Variants in LRRIQ4 observed in about 807,000 individuals in gnomAD.
The protein encoded by LRRIQ4 is leucine rich repeats and IQ motif containing 4.
In LRRIQ4, 21 loss-of-function variants were observed where a neutral mutation model predicts 40.1. The observed-to-expected ratio is 0.52, with a 90% confidence interval of 0.37 to 0.75. The LOEUF (loss-of-function observed/expected upper bound fraction) is 0.75. Among genes scored for constraint, LRRIQ4 ranks in the 30% least tolerant of loss-of-function variants. The probability of loss-of-function intolerance (pLI) is 0.00; values close to 1 mark genes in which losing one functional copy is unlikely to be tolerated. For synonymous variants in LRRIQ4, 277 were observed against 277.1 expected, an observed-to-expected ratio of 1.00 and a Z score of 0.00; for missense variants, 655 against 660.0, an observed-to-expected ratio of 0.99 and a Z score of 0.08.
intron 1 of LRRIQ4, among the ~76,000 whole-genome samples, chr3:169,821,477 C>G (rs1560609886): frequency 7.3e-6 from 1 of 137,826 alleles, no homozygotes; most frequent in East Asian, 3.4e-4. Context: ...ACTAAAATTA[C>G]AAAAAAATTT....
At chr3:169,819,692 G>A (rs887809089) in intron 1 of LRRIQ4, among the ~76,000 whole-genome samples, 1 of 152,070 alleles carries the variant, frequency 6.6e-6, no homozygotes, top group Non-Finnish European at 1.5e-5. Flanking sequence ...TGGGAAACAG[G>A]GCAAATAATG....
At chr3:169,834,172 A>G (rs1780254214) in intron 5 of LRRIQ4, among the ~76,000 whole-genome samples, 1 of 151,880 alleles carries the variant, frequency 6.6e-6, no homozygotes, top group Admixed American at 6.6e-5. Flanking sequence ...GATCAGCCTG[A>G]CCAACATGGT....
chr3:169,816,933 A>C (rs1779782233), intron 1 of LRRIQ4, among the ~76,000 whole-genome samples: 1 of 151,954 alleles, frequency 6.6e-6, no homozygotes, highest in Non-Finnish European at 1.5e-5. Context: ...AGCCTCCCAA[A>C]GTGCTGGGAT....
chr3:169,821,951 T>C lies in LRRIQ4; in HGVS notation c.30T>C (p.His10=). The C allele has an allele frequency of 6.7e-7, 1 of 1,493,300 alleles. No individual in the cohort carries two copies. 92.5% of individuals were successfully genotyped at this position (1,493,300 alleles called of 1,614,324 possible). A position where few individuals can be genotyped will look rare whatever the true frequency, so the allele number is the denominator to read the frequency against. Residue 10 remains histidine (H), a synonymous_variant, in exon 2 of 6, where the codon CAT becomes CAC. Coordinates refer to ENST00000340806, the MANE Select transcript of LRRIQ4 (RefSeq NM_001080460.3). ...CAAAAGACATAAAATCAGTAGAACA[T>C]TCACCTAAAATTCATCAGAGAAATG... The part of the protein sequence containing the change: MSKDIKSVE[H]SPKIHQRNDP...
At chr3:169,818,196 G>A (rs761891686) in intron 1 of LRRIQ4, among the ~76,000 whole-genome samples, 13 of 152,118 alleles carry the variant, frequency 8.5e-5, no homozygotes, top group Non-Finnish European at 1.5e-4. Context: ...CTCCCTCCCC[G>A]AAGCACACTT....
chr3:169,828,321 C>T (rs955053277), intron 2 of LRRIQ4, among the ~76,000 whole-genome samples: 9 of 152,130 alleles, frequency 5.9e-5, no homozygotes, highest in Non-Finnish European at 1.3e-4. Context: ...CAACCTCTGC[C>T]TCCCACATTC....
chr3:169,828,276 A>C (rs972389961), intron 2 of LRRIQ4, among the ~76,000 whole-genome samples: 1 of 151,796 alleles, frequency 6.6e-6, no homozygotes, highest in Admixed American at 6.6e-5. Context: ...TCTGTCGCCC[A>C]GGCTGGAGTG....
chr3:169,820,776 T>A (rs1779870044), intron 1 of LRRIQ4, among the ~76,000 whole-genome samples: 1 of 152,214 alleles, frequency 6.6e-6, no homozygotes, highest in African/African-American at 2.4e-5. Flanking sequence ...TAGACAGAGT[T>A]AAGCTCCTTC....
intron 1 of LRRIQ4, among the ~76,000 whole-genome samples, chr3:169,819,188 C>G (rs1239980842): frequency 6.6e-6 from 1 of 152,182 alleles, no homozygotes; most frequent in Non-Finnish European, 1.5e-5. Context: ...AAATCTTCCC[C>G]TTTCTCAATT....
At chr3:169,833,851 G>GTC (rs1780241737) in intron 5 of LRRIQ4, among the ~76,000 whole-genome samples, 1 of 152,138 alleles carries the variant, frequency 6.6e-6, no homozygotes, top group Non-Finnish European at 1.5e-5. Context: ...TACACTCAGA[G>GTC]TAAGAGTCAA....
At chr3:169,829,300 C>A (rs2108180278) in intron 3 of LRRIQ4, among the ~76,000 whole-genome samples, 1 of 152,238 alleles carries the variant, frequency 6.6e-6, no homozygotes, top group East Asian at 1.9e-4. Context: ...ATGCTGGGAG[C>A]CTACATTTTG....
chr3:169,834,832 A>G (rs1233706600), intron 5 of LRRIQ4, among the ~76,000 whole-genome samples: 1 of 151,954 alleles, frequency 6.6e-6, no homozygotes, highest in Non-Finnish European at 1.5e-5. Flanking sequence ...ATATTTATAT[A>G]AATTAAATTT....
intron 3 of LRRIQ4, 83 bp from the exon 4 acceptor site, chr3:169,830,409 A>AAAAAAAAAAAAAAAT: frequency 3.9e-6 from 2 of 508,542 alleles, no homozygotes; most frequent in Non-Finnish European, 5.8e-6. Context: ...AAAAAAAAAA[A>AAAAAAAAAAAAAAAT]TGCATGAGCA....
At chr3:169,818,672 C>A (rs1053997306) in intron 1 of LRRIQ4, among the ~76,000 whole-genome samples, 2 of 152,148 alleles carry the variant, frequency 1.3e-5, no homozygotes, top group Non-Finnish European at 2.9e-5. Flanking sequence ...ACCAAAGTGG[C>A]ATATTTTGGA....
At position 169,833,144 on chromosome 3, in the gene LRRIQ4, C is replaced by G. The variant is rs946874529; in HGVS notation, c.1491C>G (p.Tyr497Ter). Residue 497 changes from tyrosine to a stop codon, truncating the protein, a stop_gained, in exon 5 of 6, where the codon TAC (tyrosine) becomes TAG (stop). Transcript: ENST00000340806. LOFTEE classifies it low-confidence loss of function (END_TRUNC). ...AAGGCAATGAGGCCATATGGAAATA[C>G]CTCAAGGAAAACAGAAACAGGAATA... ...CAEGNEAIWK[Y>*]LKENRNRNIM... 6.2e-7 allele frequency: 1 copy of G among 1,613,346 alleles called. No homozygotes were observed.
At chr3:169,836,594 A>T (rs1391422660) in intron 5 of LRRIQ4, among the ~76,000 whole-genome samples, 1 of 152,186 alleles carries the variant, frequency 6.6e-6, no homozygotes, top group African/African-American at 2.4e-5. Context: ...GACCTCATAT[A>T]AATCTAATCA....
chr3:169,821,460 C>T (rs1191608474), intron 1 of LRRIQ4, among the ~76,000 whole-genome samples: 3 of 149,404 alleles, frequency 2.0e-5, no homozygotes, highest in Non-Finnish European at 4.4e-5. Context: ...GGTGAAACCC[C>T]GTCTCTACTA....
intron 5 of LRRIQ4, among the ~76,000 whole-genome samples, chr3:169,835,490 T>A (rs184310772): frequency 1.2e-3 from 180 of 151,752 alleles, no homozygotes; most frequent in Middle Eastern, 3.4e-3. Flanking sequence ...CAGGGGCAAC[T>A]GGGATGGGGG....
At chr3:169,830,817 A>G (rs1204667254) in intron 4 of LRRIQ4, among the ~76,000 whole-genome samples, 187 bp downstream of exon 4, 2 of 152,238 alleles carry the variant, frequency 1.3e-5, no homozygotes, top group Non-Finnish European at 2.9e-5. Context: ...TATAGCTAAG[A>G]GTCTTGCAAA....
Sources: gnomAD v4.1 joint callset for allele counts (sites outside exome capture counted in the v4.1 genomes callset) on GRCh38, gnomAD v4.1.1 for gene constraint, MANE v1.5 for transcripts, NCBI Gene and HGNC (gene_info 2026-07-23, HGNC 2026-07-21) for gene names.